Variants in NRCAM observed in about 807,000 individuals in gnomAD.
The protein encoded by NRCAM is NgCAM-related cell adhesion molecule.
A neutral mutation model predicts 156.5 loss-of-function variants in NRCAM; 83 were observed. The ratio of observed to expected loss-of-function variants is 0.53; its 90% confidence interval spans 0.44 to 0.64. NRCAM has a LOEUF of 0.64. Ranked by LOEUF, NRCAM falls within the 30% of genes least tolerant of loss-of-function variation. The pLI, the probability that NRCAM is intolerant of heterozygous loss-of-function variation, is 0.00. For synonymous variants in NRCAM, 538 were observed against 563.9 expected, an observed-to-expected ratio of 0.95 and a Z score of 0.65; for missense variants, 1,417 against 1,597.3, an observed-to-expected ratio of 0.89 and a Z score of 1.92.
intron 3 of NRCAM, among the ~76,000 whole-genome samples, chr7:108,259,085 A>C (rs1252305207): frequency 6.6e-6 from 1 of 152,228 alleles, no homozygotes; most frequent in Non-Finnish European, 1.5e-5. Context: ...TTGGGACAAC[A>C]CAGCGTGGAA....
chr7:108,299,105 C>CAA lies in NRCAM; in HGVS notation c.-107+13558_-107+13559dup, dbSNP rs1292917918. On this transcript the variant is annotated intron_variant, in intron 3 of 32. Transcript: ENST00000379028. ...TGGGCCACAGAGCAAGACTCCATCTCAAAAAAAAAAAAGAAAGAAAGAAAG... is the reference window on the plus strand; with the variant it reads ...TGGGCCACAGAGCAAGACTCCATCTCAAAAAAAAAAAAAAGAAAGAAAGAAAG... 7.1e-4 allele frequency among the ~76,000 whole-genome samples: 12 copies of CAA among 16,958 alleles called. 1 individual carries two copies. The highest frequency in any genetic ancestry group is 1.9e-3 in the African/African-American group (11 of 5,708). The allele number at this position is 16,958 out of a possible 152,430, so 11.1% of individuals were successfully genotyped here.
chr7:108,205,528 G>T (rs573972442), intron 13 of NRCAM, among the ~76,000 whole-genome samples: 12 of 152,252 alleles, frequency 7.9e-5, no homozygotes, highest in Admixed American at 2.0e-4. Flanking sequence ...AAGCTTGAGG[G>T]TTTATCCCCT....
intron 3 of NRCAM, among the ~76,000 whole-genome samples, chr7:108,255,891 G>A (rs1273128440): frequency 1.1e-4 from 16 of 151,746 alleles, no homozygotes; most frequent in Non-Finnish European, 1.8e-4. Flanking sequence ...GTCTCCGCCC[G>A]GCAGCCGCCC....
At chr7:108,201,645 G>A (rs763172722) in intron 13 of NRCAM, among the ~76,000 whole-genome samples, 2 of 152,114 alleles carry the variant, frequency 1.3e-5, no homozygotes, top group Non-Finnish European at 2.9e-5. Context: ...ATGTCAGTAG[G>A]ACAATTTTCC....
intron 25 of NRCAM, 48 bp from the exon 26 acceptor site, chr7:108,178,160 A>G (rs910925054): frequency 6.9e-6 from 11 of 1,588,848 alleles, no homozygotes; most frequent in African/African-American, 5.4e-5. Flanking sequence ...GAATGTTTCA[A>G]CATGTATTAA....
chr7:108,428,472 G>C (rs150877248), intron 1 of NRCAM, among the ~76,000 whole-genome samples: 1 of 152,186 alleles, frequency 6.6e-6, no homozygotes, highest in Non-Finnish European at 1.5e-5. Flanking sequence ...CTCTGCACAA[G>C]TGACCTTTCA....
intron 3 of NRCAM, among the ~76,000 whole-genome samples, chr7:108,282,889 T>C (rs1209736758): frequency 1.3e-5 from 2 of 152,238 alleles, no homozygotes; most frequent in African/African-American, 2.4e-5. Context: ...CTGGGGAGAT[T>C]TGAAGACTCC....
chr7:108,187,640 G>C (rs1374542752), intron 20 of NRCAM, among the ~76,000 whole-genome samples: 3 of 152,176 alleles, frequency 2.0e-5, no homozygotes, highest in Non-Finnish European at 4.4e-5. Context: ...AGGGAGCAAA[G>C]GCTAAGACAG....
chr7:108,306,360 G>A (rs59200533), intron 3 of NRCAM, among the ~76,000 whole-genome samples: 1,547 of 152,180 alleles, frequency 0.01, 27 homozygotes, highest in African/African-American at 0.034. Context: ...TTTTACCAAT[G>A]TTAAAGGTAA....
rs200057699 is a variant in NRCAM, at chr7:108,412,272, C to T, written c.-331-12679G>A. 2.8e-3 allele frequency among the ~76,000 whole-genome samples: 421 copies of T among 150,604 alleles called. 3 individuals are homozygous for T. Among genetic ancestry groups the T allele is most frequent in the African/African-American group, 1.0e-2 (410 of 41,048 alleles). ...GTTAAATTTTACAAAAAAAAAAACC[C>T]AAAAAACGATGAAGCTAAATTATCA... On this transcript the variant is annotated intron_variant, in intron 1 of 32. Coordinates refer to ENST00000379028, the MANE Select transcript of NRCAM (RefSeq NM_001037132.4).
At chr7:108,296,456 C>A (rs1378510503) in intron 3 of NRCAM, among the ~76,000 whole-genome samples, 1 of 152,096 alleles carries the variant, frequency 6.6e-6, no homozygotes, top group Non-Finnish European at 1.5e-5. Context: ...ACAGGTGACT[C>A]AGAGCGCTAA....
chr7:108,252,902 A>T (rs753243608), intron 3 of NRCAM, among the ~76,000 whole-genome samples: 18 of 152,248 alleles, frequency 1.2e-4, no homozygotes, highest in Non-Finnish European at 2.4e-4. Context: ...TCTACATTGC[A>T]TGCTGAACAT....
At chr7:108,454,451 A>C (rs1854184689) in intron 1 of NRCAM, among the ~76,000 whole-genome samples, 1 of 152,162 alleles carries the variant, frequency 6.6e-6, no homozygotes, top group African/African-American at 2.4e-5. Flanking sequence ...TTCATTTCCT[A>C]ATTTTTAAAA....
At chr7:108,158,307 A>T (rs2046759938) in intron 32 of NRCAM, among the ~76,000 whole-genome samples, 1 of 152,192 alleles carries the variant, frequency 6.6e-6, no homozygotes, top group South Asian at 2.1e-4. Flanking sequence ...AAGAGATCAC[A>T]ATATAAAAAC....
At chr7:108,414,940 G>T (rs1799668717) in intron 1 of NRCAM, among the ~76,000 whole-genome samples, 1 of 152,182 alleles carries the variant, frequency 6.6e-6, no homozygotes, top group Non-Finnish European at 1.5e-5. Context: ...CTGGGGAGCA[G>T]CAGGGTGAGT....
intron 13 of NRCAM, among the ~76,000 whole-genome samples, chr7:108,203,135 C>T (rs1401376104): frequency 6.6e-6 from 1 of 152,174 alleles, no homozygotes; most frequent in Non-Finnish European, 1.5e-5. Context: ...TGCTTTGCCC[C>T]ATCCTGCCAA....
At chr7:108,318,141 G>C (rs1437114405) in intron 2 of NRCAM, among the ~76,000 whole-genome samples, 2 of 143,954 alleles carry the variant, frequency 1.4e-5, no homozygotes, top group African/African-American at 5.2e-5. Context: ...TGCCTCCCGG[G>C]TTCATGCCAT....
chr7:108,207,280 G>C, intron 13 of NRCAM: 1 of 317,508 alleles, frequency 3.1e-6, no homozygotes, highest in South Asian at 7.0e-5. Flanking sequence ...CATTATCCAT[G>C]TAAAAAGCAG....
Position 108,182,713 on chromosome 7 carries a change from C to A in NRCAM, c.2512G>T (p.Gly838Ter). The change falls in exon 23 of 33, where the codon GGA (glycine) becomes TGA (stop). Residue 838 changes from glycine (G) to a stop codon, truncating the protein, a stop_gained. Transcript: ENST00000379028. LOFTEE classifies it high-confidence loss of function. ...CACTTACGGTCTTCTCCAGAATGTC[C>A]CATGACTACAGCTGGCTCGGGGGCA... ...GFAPEPAVVM[G>*]HSGEDLPMVA... is the part of the protein sequence containing the mutation. The A allele has an allele frequency of 6.2e-7, 1 of 1,614,188 alleles. No homozygotes were observed. The highest frequency in any genetic ancestry group is 8.5e-7 in the Non-Finnish European group (1 of 1,180,020).
Sources: allele counts gnomAD v4.1 joint callset (sites outside exome capture counted in the v4.1 genomes callset), GRCh38; gene constraint gnomAD v4.1.1; transcripts MANE v1.5; gene names NCBI Gene and HGNC (gene_info 2026-07-23, HGNC 2026-07-21).